ZNF256: variants seen among roughly 807,000 people sequenced by gnomAD.
ZNF256 encodes the protein zinc finger protein 256.
Under a neutral mutation model 7.9 loss-of-function variants are expected in ZNF256, and 4 were observed. That is an observed-to-expected ratio of 0.50 (90% CI 0.25 to 1.15). The LOEUF (loss-of-function observed/expected upper bound fraction) is 1.15, where lower values mean the gene tolerates loss of function less well. Among genes scored for constraint, ZNF256 ranks in the 50% most tolerant of loss-of-function variants. ZNF256 has a pLI of 0.15. For synonymous variants in ZNF256, 260 were observed against 260.4 expected, an observed-to-expected ratio of 1.00 and a Z score of 0.02; for missense variants, 666 against 755.9, an observed-to-expected ratio of 0.88 and a Z score of 1.39.
chr19:57,944,015 C>G lies in ZNF256; in HGVS notation c.79G>C (p.Glu27Gln). ...EDVAVYFSWK[E>Q]WGLLDEAQKC... ...TGAGCCTCATCAAGAAGACCCCACT[C>G]CTTCCAGGAGAAGTAAACAGCCACG... The change falls in exon 2 of 3, where the codon GAG (glutamate) becomes CAG (glutamine). Residue 27 changes from glutamate to glutamine, a missense_variant. Coordinates refer to ENST00000282308, the MANE Select transcript of ZNF256 (RefSeq NM_005773.3). The G allele has an allele frequency of 6.2e-7, 1 of 1,614,070 alleles. No individual in the cohort carries two copies. The highest frequency in any genetic ancestry group is 2.2e-5 in the East Asian group (1 of 44,856).
rs200224640 is a variant in ZNF256 at position 57,941,874 on chromosome 19, T to C, written c.934A>G (p.Ile312Val). The change falls in exon 3 of 3, where the codon ATA (isoleucine) becomes GTA (valine). Residue 312 changes from isoleucine to valine, a missense_variant. By Grantham distance (29) the Ile-to-Val change is conservative. Coordinates refer to ENST00000282308, the MANE Select transcript of ZNF256 (RefSeq NM_005773.3). ...TCTCCAGTATGAACTCTCTGATGTA[T>C]AAGAAGGTCATACTTCCTGTTAAAT... ...KLFNRKYDLL[I>V]HQRVHTGERP... The C allele has an allele frequency of 2.5e-5, 40 of 1,614,172 alleles. No homozygotes were observed. Among genetic ancestry groups the C allele is most frequent in the Non-Finnish European group, 3.2e-5 (38 of 1,180,024 alleles).
chr19:57,942,418 A>G lies in ZNF256; in HGVS notation c.390T>C (p.Thr130=). The G allele has an allele frequency of 1.2e-6, 2 of 1,614,244 alleles. No homozygotes were observed. The highest frequency in any genetic ancestry group is 1.1e-5 in the South Asian group (1 of 91,086). Residue 130 remains threonine, a synonymous_variant, in exon 3 of 3, where the codon ACT becomes ACC. Transcript: ENST00000282308. ...GCTTCTGGTGCTGATGAAGGTATGCAGTAAATTGTAATTGTTTCCTACATG... is the reference window on the plus strand; with the variant it reads ...GCTTCTGGTGCTGATGAAGGTATGCGGTAAATTGTAATTGTTTCCTACATG... The part of the protein sequence containing the change: ...DGACRKQLQF[T]AYLHQHQKQH...
rs1439668604 is a variant in ZNF256 at position 57,941,380 on chromosome 19, G to C, written c.1428C>G (p.Ser476=). ...GAACTTTCCAGTGTGAGATGAGGTAGGATTTACAGGTAAAGGATTTTCCAC... is the reference window on the plus strand; with the variant it reads ...GAACTTTCCAGTGTGAGATGAGGTACGATTTACAGGTAAAGGATTTTCCAC... ...SECGKSFTCK[S]YLISHWKVHT... is the part of the protein sequence containing the mutation. The change falls in exon 3 of 3, where the codon TCC becomes TCG. Residue 476 remains serine (S), a synonymous_variant. Transcript: ENST00000282308. The C allele has an allele frequency of 5.6e-6, 9 of 1,612,928 alleles. No homozygotes were observed. Among genetic ancestry groups the C allele is most frequent in the Non-Finnish European group, 7.6e-6 (9 of 1,179,838 alleles).
At chr19:57,944,557 G>A (rs1490807802) in intron 1 of ZNF256, among the ~76,000 whole-genome samples, 1 of 152,238 alleles carries the variant, frequency 6.6e-6, no homozygotes, top group Non-Finnish European at 1.5e-5. Flanking sequence ...GGGTGCAGTG[G>A]CTCATGCCTG....
In ZNF256 at chr19:57,947,448, C is replaced by G; in HGVS notation, c.27G>C (p.Pro9=). 1 of 1,249,008 alleles carries G rather than the reference C, an allele frequency of 8.0e-7. No homozygotes were observed. Among genetic ancestry groups the G allele is most frequent in the Admixed American group, 4.2e-5 (1 of 23,736 alleles). The allele number at this position is 1,249,008 out of a possible 1,614,324, so 77.4% of individuals were successfully genotyped here. MAAAELTA[P]AQGIVTFEDV... ...CAGAGGACGCGGCACATACCTGGGCCGGGGCCGTCAGCTCGGCCGCCGCCA... is the reference window on the plus strand; with the variant it reads ...CAGAGGACGCGGCACATACCTGGGCGGGGGCCGTCAGCTCGGCCGCCGCCA... The change falls in exon 1 of 3, where the codon CCG becomes CCC. Residue 9 remains proline, a synonymous_variant. Transcript: ENST00000282308.
chr19:57,945,877 C>T (rs910861871), intron 1 of ZNF256, among the ~76,000 whole-genome samples: 1 of 152,208 alleles, frequency 6.6e-6, no homozygotes, highest in African/African-American at 2.4e-5. Flanking sequence ...ACTGGTCGTT[C>T]ATCTCACACA....
intron 1 of ZNF256, among the ~76,000 whole-genome samples, chr19:57,946,905 C>T (rs1170464125): frequency 6.6e-6 from 1 of 152,194 alleles, no homozygotes; most frequent in Non-Finnish European, 1.5e-5. Flanking sequence ...GTTCACATGG[C>T]TGCCAGAAAT....
At chr19:57,944,757 G>A (rs2072754864) in intron 1 of ZNF256, among the ~76,000 whole-genome samples, 1 of 152,146 alleles carries the variant, frequency 6.6e-6, no homozygotes, top group Non-Finnish European at 1.5e-5. Context: ...CCAGGAGGTG[G>A]AGAGGTGGAG....
At chr19:57,943,006 C>T (rs904813775) in intron 2 of ZNF256, among the ~76,000 whole-genome samples, 8 of 152,268 alleles carry the variant, frequency 5.3e-5, no homozygotes, top group Admixed American at 3.3e-4. Context: ...AACAAAATAG[C>T]GGCTGACATA....
rs1600197115 is a variant in ZNF256 at position 57,943,791 on chromosome 19, C to A, written c.160+143G>T. On this transcript the variant is annotated intron_variant, in intron 2 of 2. Coordinates refer to ENST00000282308, the MANE Select transcript of ZNF256 (RefSeq NM_005773.3). ...CTCAAGGAGAAAAGCAGGCAACATA[C>A]AACCTTAGCCCTACCAACCGCAGCA... The A allele has an allele frequency of 9.8e-6, 10 of 1,020,288 alleles. No homozygotes were observed. The East Asian group carries it at 2.7e-4, about 28-fold the overall frequency. 63.2% of individuals were successfully genotyped at this position (1,020,288 alleles called of 1,614,324 possible).
intron 1 of ZNF256, among the ~76,000 whole-genome samples, chr19:57,945,806 T>A (rs1037625081): frequency 6.6e-6 from 1 of 152,230 alleles, no homozygotes; most frequent in African/African-American, 2.4e-5. Flanking sequence ...ACTTCTGTGC[T>A]GCACTTACCA....
At position 57,941,833 on chromosome 19, in the gene ZNF256, G is replaced by A. The variant is rs2123187422; in HGVS notation, c.975C>T (p.Cys325=). ...RVHTGERPYK[C]SECGKSFSHS... The stretch of plus-strand genomic sequence containing the variant: ...GGCTAAAGGATTTCCCACATTCACT[G>A]CACTTGTAAGGCCTTTCTCCAGTAT... The change falls in exon 3 of 3, where the codon TGC becomes TGT. Residue 325 remains cysteine, a synonymous_variant. Coordinates refer to ENST00000282308, the MANE Select transcript of ZNF256 (RefSeq NM_005773.3). The A allele has an allele frequency of 6.2e-7, 1 of 1,614,088 alleles. No homozygotes were observed. The highest frequency in any genetic ancestry group is 2.2e-5 in the East Asian group (1 of 44,868).
intron 1 of ZNF256, among the ~76,000 whole-genome samples, chr19:57,946,626 A>C (rs1184993806): frequency 6.6e-6 from 1 of 151,958 alleles, no homozygotes; most frequent in Non-Finnish European, 1.5e-5. Context: ...CTCCTCCCTC[A>C]ACCCCCCAGT....
Position 57,944,950 on chromosome 19 carries a change from C to T in ZNF256, c.34-890G>A, listed in dbSNP as rs1434631387. Among the ~76,000 whole-genome samples, 7 of 147,322 alleles carry T rather than the reference C, an allele frequency of 4.8e-5. No homozygotes were observed. The Admixed American group carries it at 4.8e-4, about 10-fold the overall frequency. Reference sequence around the variant, plus strand: ...TTTTTGAGACGAAATCTTGCTCTGTCGCCCAGGCTGGAGTGCAGTGGGGCA... The same window carrying T: ...TTTTTGAGACGAAATCTTGCTCTGTTGCCCAGGCTGGAGTGCAGTGGGGCA... On this transcript the variant is annotated intron_variant, in intron 1 of 2. Coordinates refer to ENST00000282308, the MANE Select transcript of ZNF256 (RefSeq NM_005773.3).
At chr19:57,944,996 T>C (rs563746339) in intron 1 of ZNF256, among the ~76,000 whole-genome samples, 30 of 151,670 alleles carry the variant, frequency 2.0e-4, no homozygotes, top group Middle Eastern at 3.4e-3. Context: ...CCTGGGTTCA[T>C]GCCATTCTCC....
chr19:57,943,631 C>A (rs562598172), intron 2 of ZNF256, among the ~76,000 whole-genome samples: 2 of 152,168 alleles, frequency 1.3e-5, no homozygotes, highest in Non-Finnish European at 2.9e-5. Flanking sequence ...GGAAGTAGAA[C>A]CTGGGCCTTG....
In ZNF256 at chr19:57,947,619, G is replaced by A; in HGVS notation, c.-145C>T. The A allele has an allele frequency of 6.7e-6, 5 of 748,450 alleles. No homozygotes were observed. The highest frequency in any genetic ancestry group is 3.4e-5 in the East Asian group (1 of 29,480). 46.4% of individuals were successfully genotyped at this position (748,450 alleles called of 1,614,324 possible). A position where few individuals can be genotyped will look rare whatever the true frequency, so the allele number is the denominator to read the frequency against. On this transcript the variant is annotated 5_prime_UTR_variant, in exon 1 of 3. Transcript: ENST00000282308. ...GCCTTCTCAGTCAGTCACGGATGAT[G>A]CTGACCCAGCGCTCCGGGGCTTTCT...
At chr19:57,946,157 A>G (rs1568561720) in intron 1 of ZNF256, among the ~76,000 whole-genome samples, 1 of 152,112 alleles carries the variant, frequency 6.6e-6, no homozygotes, top group Non-Finnish European at 1.5e-5. Context: ...TTGGCCCACT[A>G]ACAGCTTTAC....
chr19:57,944,492 G>A (rs2072753170), intron 1 of ZNF256, among the ~76,000 whole-genome samples: 2 of 152,164 alleles, frequency 1.3e-5, no homozygotes, highest in Admixed American at 1.3e-4. Flanking sequence ...TATACCACAG[G>A]CAAATCCTGG....
Sources: allele counts gnomAD v4.1 joint callset (sites outside exome capture counted in the v4.1 genomes callset), GRCh38; gene constraint gnomAD v4.1.1; transcripts MANE v1.5; gene names NCBI Gene and HGNC (gene_info 2026-07-23, HGNC 2026-07-21).